The following TBCB variants were observed in gnomAD, a reference collection of about 807,000 sequenced individuals.
The protein encoded by TBCB is tubulin folding cofactor B.
Under a neutral mutation model 29.2 loss-of-function variants are expected in TBCB, and 18 were observed. The observed-to-expected ratio is 0.62, with a 90% CI of 0.43 to 0.91. The LOEUF (loss-of-function observed/expected upper bound fraction) is 0.91, where lower values mean the gene tolerates loss of function less well. TBCB is among the 40% of genes least tolerant of loss of function. The probability of loss-of-function intolerance (pLI) is 0.00; values close to 1 mark genes in which losing one functional copy is unlikely to be tolerated. For synonymous variants in TBCB, 172 were observed against 137.8 expected (o/e 1.25, Z -1.74); for missense variants, 336 against 337.6 (o/e 1.00, Z 0.04).
At chr19:36,125,644 A>C (rs1974125145) in intron 5 of TBCB, 24 bp from the exon 6 acceptor site, 1 of 1,599,468 alleles carries the variant, frequency 6.3e-7, no homozygotes, top group Admixed American at 1.7e-5. Context: ...CTCTGACCAC[A>C]CCCACCCCTA....
intron 2 of TBCB, among the ~76,000 whole-genome samples, chr19:36,117,192 A>T (rs75735458): frequency 2.6e-5 from 4 of 152,042 alleles, no homozygotes. Flanking sequence ...CTCCTCTGAC[A>T]CACTCTGGAT....
chr19:36,119,058 C>T (rs913906857), intron 2 of TBCB, among the ~76,000 whole-genome samples: 4 of 152,152 alleles, frequency 2.6e-5, no homozygotes, highest in African/African-American at 9.7e-5. Context: ...ATAGGCACCT[C>T]ATAGGCAGTG....
Position 36,115,677 on chromosome 19 carries a change from GTGGCCA to G in TBCB, c.114+7_114+12del. 1 of 1,592,946 alleles carries G rather than the reference GTGGCCA, an allele frequency of 6.3e-7. No homozygotes were observed. The highest frequency in any genetic ancestry group is 8.5e-7 in the Non-Finnish European group (1 of 1,170,128). ...GCCTCACCATCGCTGAGTTCAAGGTGTGGCCATGGGGGCGGGGTCCGGAGGGGCGGG... is the reference window on the plus strand; with the variant it reads ...GCCTCACCATCGCTGAGTTCAAGGTGTGGGGGCGGGGTCCGGAGGGGCGGG... On this transcript the variant is annotated splice_donor_5th_base_variant and intron_variant, in intron 1 of 5. Coordinates refer to ENST00000221855, the MANE Select transcript of TBCB (RefSeq NM_001281.3).
upstream of TBCB, chr19:36,115,135 C>T (rs960189619): frequency 5.3e-6 from 3 of 570,864 alleles, no homozygotes; most frequent in African/African-American, 3.8e-5. Context: ...GAAAACGATG[C>T]GCATCGTAAA....
At chr19:36,120,403 A>C in intron 2 of TBCB, 3 of 393,578 alleles carry the variant, frequency 7.6e-6, no homozygotes, top group Non-Finnish European at 1.4e-5. Context: ...GGCTGTGGGC[A>C]AGGCCTGAGC....
Position 36,120,814 on chromosome 19 carries a change from C to CAGGTGGGCGTCG in TBCB, c.355+12_355+23dup. On this transcript the variant is annotated intron_variant, in intron 3 of 5. Transcript: ENST00000221855. ...CCTACGACCAGAGGCAAGGTACGGG[C>CAGGTGGGCGTCG]AGGTGGGCGTCGAGGGGTGCGTGGG... is the stretch of plus-strand genomic sequence containing the variant. 1 of 1,613,650 alleles carries CAGGTGGGCGTCG rather than the reference C, an allele frequency of 6.2e-7. No individual in the cohort carries two copies. The highest frequency in any genetic ancestry group is 8.5e-7 in the Non-Finnish European group (1 of 1,179,822).
At chr19:36,120,902 C>T in intron 3 of TBCB, 96 bp downstream of exon 3, 1 of 1,187,742 alleles carries the variant, frequency 8.4e-7, no homozygotes, top group South Asian at 1.3e-5. Flanking sequence ...TGCAGGGAGG[C>T]CAGTGGTGTA....
chr19:36,121,936 C>G, intron 4 of TBCB: 3 of 657,898 alleles, frequency 4.6e-6, no homozygotes, highest in South Asian at 3.7e-5. Flanking sequence ...GCGGAGTGAT[C>G]TGTCCAGCGA....
chr19:36,120,420 G>T, intron 2 of TBCB: 1 of 440,174 alleles, frequency 2.3e-6, no homozygotes, highest in East Asian at 4.5e-5. Context: ...GAGCTCTGCC[G>T]GTTGGACTCT....
intron 1 of TBCB, 174 bp from the exon 2 acceptor site, chr19:36,115,867 C>A (rs936855710): frequency 1.4e-5 from 16 of 1,136,766 alleles, no homozygotes; most frequent in Middle Eastern, 6.0e-4. Flanking sequence ...GGGCCGGGTC[C>A]AGCGAAAAAT....
rs868279430 is a variant in TBCB at position 36,121,535 on chromosome 19, C to T, written c.364C>T (p.Arg122Cys). 5.8e-6 allele frequency: 9 copies of T among 1,557,190 alleles called. No individual in the cohort carries two copies. Among genetic ancestry groups the T allele is most frequent in the South Asian group, 1.2e-5 (1 of 84,840 alleles). ...GCCCCCTCTGCCCACAGACACGGTCCGCTCTTTCCTGAAGCGCAGCAAGCT... is the reference window on the plus strand; with the variant it reads ...GCCCCCTCTGCCCACAGACACGGTCTGCTCTTTCCTGAAGCGCAGCAAGCT... ...EAYDQRQDTV[R>C]SFLKRSKLGR... The change falls in exon 4 of 6, where the codon CGC (arginine) becomes TGC (cysteine). Residue 122 changes from arginine to cysteine, a missense_variant. Coordinates refer to ENST00000221855, the MANE Select transcript of TBCB (RefSeq NM_001281.3).
intron 4 of TBCB, among the ~76,000 whole-genome samples, chr19:36,124,540 GT>G (rs968176899): frequency 1.3e-5 from 2 of 151,448 alleles, no homozygotes; most frequent in African/African-American, 4.9e-5. Flanking sequence ...TCGGGGTTTG[GT>G]TTTGTTTTTT....
chr19:36,115,937 T>G, intron 1 of TBCB, 104 bp from the exon 2 acceptor site: 8 of 1,504,112 alleles, frequency 5.3e-6, no homozygotes, highest in Non-Finnish European at 7.2e-6. Context: ...CCGTGCGTCC[T>G]GACTGGGGGG....
chr19:36,116,273 C>A (rs1973953112), intron 2 of TBCB, 89 bp downstream of exon 2: 3 of 1,541,030 alleles, frequency 1.9e-6, no homozygotes, highest in Non-Finnish European at 2.6e-6. Context: ...CTCAGTCATA[C>A]CCGAGATAGG....
chr19:36,120,609 A>ATCT (rs1974029277), intron 2 of TBCB, 101 bp from the exon 3 acceptor site: 1 of 921,344 alleles, frequency 1.1e-6, no homozygotes, highest in Non-Finnish European at 1.7e-6. Context: ...CGAGGGAGGG[A>ATCT]GATGCGTTTT....
chr19:36,115,268 T>G (rs567678589), upstream of TBCB: 24 of 530,726 alleles, frequency 4.5e-5, no homozygotes, highest in East Asian at 7.9e-4. Context: ...CCTCCGGGCT[T>G]CAGTCTTCGC....
At chr19:36,115,956 A>G (rs1973944536) in intron 1 of TBCB, 85 bp from the exon 2 acceptor site, 1 of 1,547,586 alleles carries the variant, frequency 6.5e-7, no homozygotes, top group African/African-American at 1.4e-5. Context: ...GGTCTTTTGG[A>G]GGAAAAGGGA....
chr19:36,119,577 A>C (rs1413290814), intron 2 of TBCB, among the ~76,000 whole-genome samples: 1 of 152,148 alleles, frequency 6.6e-6, no homozygotes, highest in Non-Finnish European at 1.5e-5. Context: ...CCCTGGTGGC[A>C]CTTCGCTCCA....
In TBCB at chr19:36,121,698, G is replaced by T; in HGVS notation, c.527G>T (p.Arg176Leu). Residue 176 changes from arginine (R) to leucine (L), a missense_variant, in exon 4 of 6, where the codon CGG (arginine) becomes CTG (leucine). By Grantham distance (102) the Arg-to-Leu change is moderately radical (BLOSUM62 -2). Coordinates refer to ENST00000221855, the MANE Select transcript of TBCB (RefSeq NM_001281.3). ...CGGGCGGCGGGACAATCCCCTCGCC[G>T]GGGCACCGTCATGTATGTAGGTGCG... ...EVRAAGQSPRRGTVMYVGLTD... is the reference protein window; with the variant it reads ...EVRAAGQSPRLGTVMYVGLTD... The T allele has an allele frequency of 6.4e-7, 1 of 1,552,460 alleles. No individual in the cohort carries two copies. Among genetic ancestry groups the T allele is most frequent in the East Asian group, 2.4e-5 (1 of 41,650 alleles).
Sources: gnomAD v4.1 joint callset for allele counts (sites outside exome capture counted in the v4.1 genomes callset) on GRCh38, gnomAD v4.1.1 for gene constraint, MANE v1.5 for transcripts, NCBI Gene and HGNC (gene_info 2026-07-23, HGNC 2026-07-21) for gene names.